Variants in TSPAN18 observed in about 807,000 individuals in gnomAD.
The protein encoded by TSPAN18 is tetraspanin 18.
Under a neutral mutation model 27.3 loss-of-function variants are expected in TSPAN18, and 14 were observed. That is an observed-to-expected ratio of 0.51 (90% CI 0.34 to 0.80). The LOEUF (loss-of-function observed/expected upper bound fraction) is 0.80, where lower values mean the gene tolerates loss of function less well. Among genes scored for constraint, TSPAN18 ranks in the 30% least tolerant of loss-of-function variants. The pLI is 0.01. For missense variants in TSPAN18, 268 were observed against 323.9 expected, an observed-to-expected ratio of 0.83 and a Z score of 1.32; for synonymous variants, 143 against 136.5, an observed-to-expected ratio of 1.05 and a Z score of -0.33.
At position 44,808,082 on chromosome 11, in the gene TSPAN18, G is replaced by A. The variant is rs776560054; in HGVS notation, c.-153+43570G>A. Among the ~76,000 whole-genome samples, 7 of 152,162 alleles carry A rather than the reference G, an allele frequency of 4.6e-5. No homozygotes were observed. The South Asian group carries it at 1.2e-3, about 27-fold the overall frequency. Reference sequence around the variant, plus strand: ...GGAGCAGATATTGTTTTAGTAATTCGGGAAGCTTTGGTTTGATTTTTTTTG... The same window carrying A: ...GGAGCAGATATTGTTTTAGTAATTCAGGAAGCTTTGGTTTGATTTTTTTTG... On this transcript the variant is annotated intron_variant, in intron 2 of 9. Coordinates refer to ENST00000520358, the MANE Select transcript of TSPAN18 (RefSeq NM_130783.5).
intron 4 of TSPAN18, chr11:44,909,485 G>A (rs1020936115): frequency 3.7e-6 from 2 of 540,440 alleles, no homozygotes; most frequent in Non-Finnish European, 6.6e-6. Flanking sequence ...GGATTTAGAG[G>A]ATGCGTGTTG....
At chr11:44,729,658 C>A (rs1239029171) in intron 1 of TSPAN18, among the ~76,000 whole-genome samples, 3 of 152,154 alleles carry the variant, frequency 2.0e-5, no homozygotes, top group Non-Finnish European at 4.4e-5. Context: ...AATGGTAGCA[C>A]ATCATTGAAA....
intron 2 of TSPAN18, among the ~76,000 whole-genome samples, chr11:44,797,938 C>T (rs1001608603): frequency 1.3e-5 from 2 of 152,158 alleles, no homozygotes; most frequent in Non-Finnish European, 2.9e-5. Context: ...AGTCAAGACG[C>T]TTGTTGGGTC....
At chr11:44,802,881 T>C (rs1371426780) in intron 2 of TSPAN18, among the ~76,000 whole-genome samples, 1 of 152,212 alleles carries the variant, frequency 6.6e-6, no homozygotes, top group Non-Finnish European at 1.5e-5. Flanking sequence ...AGAGTATTGC[T>C]CTGATTTTAA....
In TSPAN18 at chr11:44,877,234, C is replaced by T. The variant is rs865935676; in HGVS notation, c.-11+16765C>T. The stretch of plus-strand genomic sequence containing the variant: ...GTCTGCAGGGTATGGCAGGCTGGGG[C>T]GGGAGCCCGATGACATTGTGAAGTC... On this transcript the variant is annotated intron_variant, in intron 3 of 9. Transcript: ENST00000520358. Among the ~76,000 whole-genome samples the T allele has an allele frequency of 1.8e-4, 28 of 152,342 alleles. No individual in the cohort carries two copies. The South Asian group carries it at 3.7e-3, about 20-fold the overall frequency.
At chr11:44,901,773 T>C (rs1027763274) in intron 3 of TSPAN18, among the ~76,000 whole-genome samples, 10 of 151,938 alleles carry the variant, frequency 6.6e-5, no homozygotes, top group Middle Eastern at 3.2e-3. Flanking sequence ...GGATGTGGAG[T>C]TGGGTGAGTG....
At chr11:44,784,225 C>T (rs1358809733) in intron 2 of TSPAN18, among the ~76,000 whole-genome samples, 1 of 152,182 alleles carries the variant, frequency 6.6e-6, no homozygotes, top group Non-Finnish European at 1.5e-5. Flanking sequence ...CCTGCCTTAG[C>T]TTCTAGGGAA....
At chr11:44,746,663 G>T (rs983045027) in intron 1 of TSPAN18, among the ~76,000 whole-genome samples, 1 of 152,144 alleles carries the variant, frequency 6.6e-6, no homozygotes, top group Non-Finnish European at 1.5e-5. Context: ...AGGCTGAGGC[G>T]AGAGGATTGC....
chr11:44,845,827 T>TAGGC (rs1363609993), intron 2 of TSPAN18, among the ~76,000 whole-genome samples: 1 of 152,204 alleles, frequency 6.6e-6, no homozygotes, highest in Non-Finnish European at 1.5e-5. Context: ...AGTGGGTGGG[T>TAGGC]AGGCACCACC....
chr11:44,756,331 G>T (rs952495794), intron 1 of TSPAN18, among the ~76,000 whole-genome samples: 1 of 151,980 alleles, frequency 6.6e-6, no homozygotes, highest in African/African-American at 2.4e-5. Flanking sequence ...GGGAGGGAAG[G>T]GTTCCCAGGA....
At chr11:44,909,963 A>C (rs1346892903) in intron 5 of TSPAN18, 64 bp downstream of exon 5, 1 of 1,521,746 alleles carries the variant, frequency 6.6e-7, no homozygotes, top group East Asian at 2.3e-5. Context: ...TTGGCTGCAG[A>C]CTCCCAGGCC....
At chr11:44,914,976 C>T (rs1396315817) in intron 5 of TSPAN18, among the ~76,000 whole-genome samples, 1 of 152,242 alleles carries the variant, frequency 6.6e-6, no homozygotes, top group African/African-American at 2.4e-5. Context: ...CCTGCATTAC[C>T]TCGTGGAAGC....
chr11:44,797,598 T>C (rs956275994), intron 2 of TSPAN18, among the ~76,000 whole-genome samples: 3 of 152,312 alleles, frequency 2.0e-5, no homozygotes, highest in African/African-American at 4.8e-5. Context: ...ACACCTACAG[T>C]GAACGCCTCC....
chr11:44,747,174 GGGGCAGC>G (rs1234538709), intron 1 of TSPAN18, among the ~76,000 whole-genome samples: 1 of 152,236 alleles, frequency 6.6e-6, no homozygotes, highest in Non-Finnish European at 1.5e-5. Context: ...TTTGCCTTGT[GGGGCAGC>G]TGGCACCTAG....
chr11:44,787,579 C>A lies in TSPAN18; in HGVS notation c.-153+23067C>A, dbSNP rs562517982. 2.6e-5 allele frequency among the ~76,000 whole-genome samples: 4 copies of A among 152,296 alleles called. 1 individual carries two copies. In the South Asian group the frequency reaches 8.3e-4, roughly 32 times the overall value. On this transcript the variant is annotated intron_variant, in intron 2 of 9. Transcript: ENST00000520358. ...GCCTGGCTCTCTTGGCTTCCCTGTG[C>A]CTCTGTTTCTTTATCTGTATAGTGT...
chr11:44,872,570 T>C lies in TSPAN18; in HGVS notation c.-11+12101T>C, dbSNP rs573575155. Among the ~76,000 whole-genome samples the C allele has an allele frequency of 3.9e-5, 6 of 152,346 alleles. No homozygotes were observed. In the South Asian group the frequency reaches 1.0e-3, roughly 26 times the overall value. ...ATCCTTGCTGCAAGTCTAGACCCTG[T>C]GAAAGCCTAATGAATACAGTTCACA... On this transcript the variant is annotated intron_variant, in intron 3 of 9. Coordinates refer to ENST00000520358, the MANE Select transcript of TSPAN18 (RefSeq NM_130783.5).
intron 2 of TSPAN18, among the ~76,000 whole-genome samples, chr11:44,805,945 C>T (rs1856583323): frequency 6.6e-6 from 1 of 152,124 alleles, no homozygotes; most frequent in Non-Finnish European, 1.5e-5. Context: ...AATATGACCT[C>T]AACCTCATTA....
At chr11:44,925,808 C>T (rs1302187734) in intron 8 of TSPAN18, 1 of 152,076 alleles carries the variant, frequency 6.6e-6, no homozygotes, top group Non-Finnish European at 1.5e-5. Context: ...AAGCAAGTAC[C>T]ATGCATCAGT....
At chr11:44,733,211 TA>T (rs1330381760) in intron 1 of TSPAN18, among the ~76,000 whole-genome samples, 1 of 152,238 alleles carries the variant, frequency 6.6e-6, no homozygotes, top group Non-Finnish European at 1.5e-5. Context: ...TTTACCCTAG[TA>T]GAGTGCTTTA....
Sources: gnomAD v4.1 joint callset for allele counts (sites outside exome capture counted in the v4.1 genomes callset) on GRCh38, gnomAD v4.1.1 for gene constraint, MANE v1.5 for transcripts, NCBI Gene and HGNC (gene_info 2026-07-23, HGNC 2026-07-21) for gene names.